Variants in ATG5 observed in about 807,000 individuals in gnomAD.
ATG5 encodes autophagy protein 5.
A neutral mutation model predicts 36.5 loss-of-function variants in ATG5; 14 were observed. That is an observed-to-expected ratio of 0.38 (90% CI 0.25 to 0.60). ATG5 has a LOEUF of 0.60. Among genes scored for constraint, ATG5 ranks in the 20% least tolerant of loss-of-function variants. The pLI is 0.60. For synonymous variants in ATG5, 95 were observed against 101.5 expected, an observed-to-expected ratio of 0.94 and a Z score of 0.38; for missense variants, 195 against 326.7, an observed-to-expected ratio of 0.60 and a Z score of 3.11.
chr6:106,254,659 C>A (rs1778732745), intron 5 of ATG5, among the ~76,000 whole-genome samples: 3 of 152,208 alleles, frequency 2.0e-5, no homozygotes, highest in Non-Finnish European at 4.4e-5. Context: ...CTGTGCCTGA[C>A]ACAAATTAAG....
chr6:106,256,478 TAAC>T (rs1420138494), intron 5 of ATG5, among the ~76,000 whole-genome samples: 1 of 152,196 alleles, frequency 6.6e-6, no homozygotes, highest in Non-Finnish European at 1.5e-5. Context: ...TAGCCAGCGT[TAAC>T]AACCTCCAGA....
chr6:106,313,194 G>C (rs1395948980), intron 2 of ATG5, among the ~76,000 whole-genome samples: 2 of 152,234 alleles, frequency 1.3e-5, no homozygotes, highest in Non-Finnish European at 2.9e-5. Context: ...AGGAGGGAAA[G>C]AGAAGTAAAT....
At chr6:106,189,859 A>C (rs890759470) in intron 7 of ATG5, among the ~76,000 whole-genome samples, 4 of 152,158 alleles carry the variant, frequency 2.6e-5, no homozygotes, top group African/African-American at 9.7e-5. Context: ...TTTTTAAAAA[A>C]AGCTAGCTTG....
At chr6:106,237,432 C>T (rs1777946339) in intron 6 of ATG5, among the ~76,000 whole-genome samples, 1 of 152,144 alleles carries the variant, frequency 6.6e-6, no homozygotes, top group South Asian at 2.1e-4. Flanking sequence ...GCAGTATATA[C>T]TATTTTGAGG....
At chr6:106,324,917 GTC>G (rs2114697717) in intron 1 of ATG5, among the ~76,000 whole-genome samples, 1 of 152,290 alleles carries the variant, frequency 6.6e-6, no homozygotes, top group African/African-American at 2.4e-5. Flanking sequence ...TTCAGCTACT[GTC>G]TGGTAAGTCT....
intron 6 of ATG5, among the ~76,000 whole-genome samples, chr6:106,229,414 CAG>C (rs377704575): frequency 8.7e-5 from 13 of 148,724 alleles, no homozygotes; most frequent in East Asian, 2.0e-4. Flanking sequence ...CAGACAGAGA[CAG>C]AGAGAGAGAG....
intron 3 of ATG5, among the ~76,000 whole-genome samples, chr6:106,307,467 CAG>C: frequency 6.6e-6 from 1 of 150,672 alleles, no homozygotes; most frequent in East Asian, 1.9e-4. Flanking sequence ...CTCCCAATAA[CAG>C]AGGAAGCACC....
intron 3 of ATG5, among the ~76,000 whole-genome samples, chr6:106,305,954 A>G (rs1770428452): frequency 6.6e-6 from 1 of 152,238 alleles, no homozygotes. Context: ...CGCCTCATAT[A>G]TATGGAGTAC....
intron 3 of ATG5, among the ~76,000 whole-genome samples, chr6:106,297,742 AC>A (rs1562262543): frequency 6.8e-6 from 1 of 147,054 alleles, no homozygotes. Flanking sequence ...ACACACACAC[AC>A]ACACACACAC....
chr6:106,213,648 T>G lies in ATG5; in HGVS notation c.574-11559A>C, dbSNP rs544000210. ...GGAGAGAAAAGTGGACTAAAGGCCA[T>G]AGCATATAGAGCTTGGAATGTCAAA... On this transcript the variant is annotated intron_variant, in intron 6 of 7. Coordinates refer to ENST00000369076, the MANE Select transcript of ATG5 (RefSeq NM_004849.4). Among the ~76,000 whole-genome samples the G allele has an allele frequency of 2.0e-5, 3 of 152,248 alleles. No homozygotes were observed. The East Asian group carries it at 5.8e-4, about 29-fold the overall frequency.
At chr6:106,196,058 C>T (rs374698397) in intron 7 of ATG5, among the ~76,000 whole-genome samples, 1 of 152,068 alleles carries the variant, frequency 6.6e-6, no homozygotes, top group Non-Finnish European at 1.5e-5. Flanking sequence ...TTTTCATTTA[C>T]GTGTCTGATG....
chr6:106,242,138 T>C (rs985748968), intron 6 of ATG5, among the ~76,000 whole-genome samples: 10 of 150,516 alleles, frequency 6.6e-5, no homozygotes, highest in Non-Finnish European at 3.0e-5. Flanking sequence ...ACACACATAC[T>C]CACACACACA....
intron 1 of ATG5, among the ~76,000 whole-genome samples, chr6:106,320,307 C>A (rs570806989): frequency 2.6e-4 from 39 of 152,270 alleles, no homozygotes; most frequent in African/African-American, 9.1e-4. Context: ...GATATTAATA[C>A]ATCCTATAGT....
chr6:106,268,771 C>T (rs2114572971), intron 5 of ATG5, among the ~76,000 whole-genome samples: 1 of 152,132 alleles, frequency 6.6e-6, no homozygotes, highest in Middle Eastern at 3.4e-3. Flanking sequence ...CAAACTAACA[C>T]AGGAACAGAA....
chr6:106,297,759 CACACACAT>C lies in ATG5; in HGVS notation c.237-4661_237-4654del, dbSNP rs759875250. 5.6e-3 allele frequency among the ~76,000 whole-genome samples: 643 copies of C among 114,756 alleles called. 2 individuals are homozygous for C. The highest frequency in any genetic ancestry group is 0.012 in the East Asian group (42 of 3,442). 75.3% of individuals were successfully genotyped at this position (114,756 alleles called of 152,430 possible). ...ACACACACACACACACACACACACA[CACACACAT>C]ATATATTTTAAAGTTCATTGGGGCT... On this transcript the variant is annotated intron_variant, in intron 3 of 7. Coordinates refer to ENST00000369076, the MANE Select transcript of ATG5 (RefSeq NM_004849.4).
chr6:106,210,314 G>A (rs978679490), intron 6 of ATG5, among the ~76,000 whole-genome samples: 3 of 152,016 alleles, frequency 2.0e-5, no homozygotes, highest in Non-Finnish European at 4.4e-5. Context: ...ATCTTTAAAA[G>A]GCAGATAATA....
chr6:106,293,469 C>T (rs1261608674), intron 3 of ATG5, among the ~76,000 whole-genome samples: 1 of 152,148 alleles, frequency 6.6e-6, no homozygotes, highest in Non-Finnish European at 1.5e-5. Context: ...ATGTTTTTTA[C>T]TTTTAGAACT....
At chr6:106,188,917 T>C (rs1287405612) in intron 7 of ATG5, among the ~76,000 whole-genome samples, 2 of 152,214 alleles carry the variant, frequency 1.3e-5, no homozygotes, top group Non-Finnish European at 2.9e-5. Context: ...TTTTGTTTAT[T>C]TTCTGACTTG....
intron 6 of ATG5, among the ~76,000 whole-genome samples, chr6:106,246,323 T>A (rs999853870): frequency 1.3e-5 from 2 of 148,466 alleles, no homozygotes; most frequent in Non-Finnish European, 3.0e-5. Flanking sequence ...CCCTCCCACT[T>A]TCTATCTAAT....
Sources: gnomAD v4.1 joint callset for allele counts (sites outside exome capture counted in the v4.1 genomes callset) on GRCh38, gnomAD v4.1.1 for gene constraint, MANE v1.5 for transcripts, NCBI Gene and HGNC (gene_info 2026-07-23, HGNC 2026-07-21) for gene names.